The following BCL2L13 variants were observed in gnomAD, a reference collection of about 807,000 sequenced individuals.
BCL2L13 encodes the protein bcl-2-like protein 13.
BCL2L13 carries 13 observed loss-of-function variants against 25.8 expected under a neutral mutation model. That is an observed-to-expected ratio of 0.50 (90% confidence interval 0.33 to 0.80). The LOEUF is 0.80. BCL2L13 is among the 30% of genes least tolerant of loss of function. The pLI is 0.02. For synonymous variants in BCL2L13, 244 were observed against 230.3 expected (o/e 1.06, Z -0.54); for missense variants, 504 against 574.9 (o/e 0.88, Z 1.26).
chr22:17,682,512 TG>T (rs2059785944), intron 2 of BCL2L13, among the ~76,000 whole-genome samples: 1 of 152,194 alleles, frequency 6.6e-6, no homozygotes, highest in African/African-American at 2.4e-5. Context: ...ATTAATAGCA[TG>T]AATTCTTTTT....
Position 17,683,202 on chromosome 22 carries a change from TG to T in BCL2L13, c.122-11del. 1.4e-6 allele frequency: 2 copies of T among 1,410,282 alleles called. No individual in the cohort carries two copies. Among genetic ancestry groups the T allele is most frequent in the Non-Finnish European group, 2.0e-6 (2 of 1,007,828 alleles). The allele number at this position is 1,410,282 out of a possible 1,614,324, so 87.4% of individuals were successfully genotyped here. ...TCCCTCTTTCAATAATAACCTTTTT[TG>T]TTGCTTTCAGGGGTTCAACTAGATA... is the stretch of plus-strand genomic sequence containing the variant. On this transcript the variant is annotated splice_polypyrimidine_tract_variant and intron_variant, in intron 2 of 6. Coordinates refer to ENST00000317582, the MANE Select transcript of BCL2L13 (RefSeq NM_015367.4).
intron 4 of BCL2L13, among the ~76,000 whole-genome samples, chr22:17,694,337 A>G (rs976485423): frequency 2.0e-5 from 3 of 152,020 alleles, no homozygotes; most frequent in Non-Finnish European, 4.4e-5. Context: ...ATAATCAGAA[A>G]GGCTTATCTC....
chr22:17,706,334 T>G lies in BCL2L13; in HGVS notation c.600+3948T>G, dbSNP rs527376041. Among the ~76,000 whole-genome samples, 593 of 151,094 alleles carry G rather than the reference T, an allele frequency of 3.9e-3. 3 individuals are homozygous for G. Among genetic ancestry groups the G allele is most frequent in the African/African-American group, 0.014 (574 of 40,518 alleles). ...CTGTTTTCTCTTTCTACCTTGTTTTTTTTTTTTTTTCACTCTGCCTTTTTA... is the reference window on the plus strand; with the variant it reads ...CTGTTTTCTCTTTCTACCTTGTTTTGTTTTTTTTTTCACTCTGCCTTTTTA... On this transcript the variant is annotated intron_variant, in intron 6 of 6. Coordinates refer to ENST00000317582, the MANE Select transcript of BCL2L13 (RefSeq NM_015367.4).
intron 1 of BCL2L13, among the ~76,000 whole-genome samples, chr22:17,653,860 A>G (rs553870855): frequency 3.3e-5 from 5 of 152,086 alleles, no homozygotes; most frequent in African/African-American, 1.2e-4. Flanking sequence ...TATTTTTAAA[A>G]ATTGTTTATC....
At chr22:17,676,776 T>C (rs1435887648) in intron 2 of BCL2L13, among the ~76,000 whole-genome samples, 3 of 152,210 alleles carry the variant, frequency 2.0e-5, no homozygotes, top group African/African-American at 7.2e-5. Context: ...AAACCTGTTA[T>C]AATTATAAAC....
intron 2 of BCL2L13, among the ~76,000 whole-genome samples, chr22:17,664,875 C>T (rs1408093838): frequency 6.6e-6 from 1 of 152,206 alleles, no homozygotes; most frequent in Non-Finnish European, 1.5e-5. Context: ...AGGCTGCACA[C>T]AGCAGGAGGG....
rs1216197534 is a variant in BCL2L13, at chr22:17,713,907, G to A, written c.600+11521G>A. Among the ~76,000 whole-genome samples the A allele has an allele frequency of 9.2e-5, 14 of 152,040 alleles. No homozygotes were observed. The South Asian group carries it at 1.0e-3, about 11-fold the overall frequency. On this transcript the variant is annotated intron_variant, in intron 6 of 6. Coordinates refer to ENST00000317582, the MANE Select transcript of BCL2L13 (RefSeq NM_015367.4). ...TGTAATCCCAACAGTTTGGGAGGCC[G>A]AGGCGGGCGAATCACTTGAGGTCAG...
At chr22:17,683,578 T>A (rs2059818316) in intron 3 of BCL2L13, among the ~76,000 whole-genome samples, 1 of 152,206 alleles carries the variant, frequency 6.6e-6, no homozygotes, top group South Asian at 2.1e-4. Context: ...GGATAAATGA[T>A]CATGTTAAGG....
intron 6 of BCL2L13, among the ~76,000 whole-genome samples, chr22:17,708,498 A>G (rs1458539217): frequency 6.6e-6 from 1 of 152,232 alleles, no homozygotes; most frequent in Non-Finnish European, 1.5e-5. Context: ...TGAGGTTTCA[A>G]TAGATGAAGT....
intron 2 of BCL2L13, among the ~76,000 whole-genome samples, chr22:17,662,958 A>G (rs1051319040): frequency 6.6e-6 from 1 of 151,868 alleles, no homozygotes; most frequent in Non-Finnish European, 1.5e-5. Context: ...TACAGCCTCT[A>G]CCTGTTGGGC....
chr22:17,725,077 G>A (rs1022691654), intron 6 of BCL2L13, among the ~76,000 whole-genome samples: 1 of 152,234 alleles, frequency 6.6e-6, no homozygotes, highest in African/African-American at 2.4e-5. Flanking sequence ...CACAAGGCCT[G>A]TGCTGTAGGG....
chr22:17,699,871 A>G (rs1209333089), intron 5 of BCL2L13, among the ~76,000 whole-genome samples: 1 of 152,152 alleles, frequency 6.6e-6, no homozygotes, highest in Non-Finnish European at 1.5e-5. Context: ...CTTTGTGTGT[A>G]GGATTATGTG....
intron 2 of BCL2L13, among the ~76,000 whole-genome samples, chr22:17,678,204 C>T (rs1386241104): frequency 1.3e-5 from 2 of 151,822 alleles, no homozygotes; most frequent in Admixed American, 6.6e-5. Context: ...TTTTATTTTT[C>T]GTAGAAACAA....
chr22:17,632,929 T>C (rs2146344771), intron 1 of BCL2L13, among the ~76,000 whole-genome samples: 1 of 152,132 alleles, frequency 6.6e-6, no homozygotes, highest in South Asian at 2.1e-4. Context: ...AATTTTTGTA[T>C]TTTTAGTAGA....
chr22:17,641,037 C>T (rs932994987), intron 1 of BCL2L13, among the ~76,000 whole-genome samples: 2 of 151,792 alleles, frequency 1.3e-5, no homozygotes, highest in Non-Finnish European at 2.9e-5. Context: ...ACTACAGGTG[C>T]CCGCCACCGC....
chr22:17,634,320 G>A (rs1410165607), upstream of BCL2L13, among the ~76,000 whole-genome samples: 1 of 151,942 alleles, frequency 6.6e-6, no homozygotes, highest in Non-Finnish European at 1.5e-5. Flanking sequence ...CGAGTAGCTG[G>A]GACCACAGGC....
intron 2 of BCL2L13, among the ~76,000 whole-genome samples, chr22:17,659,660 A>AAAAAC (rs149548796): frequency 2.8e-5 from 4 of 144,858 alleles, no homozygotes; most frequent in Admixed American, 6.9e-5. Context: ...GACTCCGTCA[A>AAAAAC]AAAACAAAAC....
At chr22:17,650,242 G>A (rs1438591592) in intron 1 of BCL2L13, among the ~76,000 whole-genome samples, 2 of 152,124 alleles carry the variant, frequency 1.3e-5, no homozygotes, top group African/African-American at 2.4e-5. Context: ...TCTTATTGAA[G>A]TGCCTCCCTG....
At chr22:17,631,683 TATATATATATATATATATA>T (rs2058024027) in intron 1 of BCL2L13, among the ~76,000 whole-genome samples, 1 of 31,830 alleles carries the variant, frequency 3.1e-5, no homozygotes, top group Non-Finnish European at 7.4e-5. Context: ...TATATATATA[TATATATATATATATATATA>T]TATATTTTTT....
Sources: allele counts gnomAD v4.1 joint callset (sites outside exome capture counted in the v4.1 genomes callset), GRCh38; gene constraint gnomAD v4.1.1; transcripts MANE v1.5; gene names NCBI Gene and HGNC (gene_info 2026-07-23, HGNC 2026-07-21).